The following ROS1 variants were observed in gnomAD, a reference collection of about 807,000 sequenced individuals.
The protein encoded by ROS1 is proto-oncogene tyrosine-protein kinase ROS.
ROS1 carries 263 observed loss-of-function variants against 273.5 expected under a neutral mutation model. The ratio of observed to expected loss-of-function variants is 0.96; its 90% CI spans 0.87 to 1.06. ROS1 has a LOEUF of 1.06. Ranked by LOEUF, ROS1 falls within the 50% of genes least tolerant of loss-of-function variation. The probability of loss-of-function intolerance (pLI) is 0.00; values close to 1 mark genes in which losing one functional copy is unlikely to be tolerated. For missense variants in ROS1, 2,833 were observed against 2,751.1 expected (o/e 1.03, Z -0.67); for synonymous variants, 1,008 against 954.1 (o/e 1.06, Z -1.04).
Position 117,341,142 on chromosome 6 carries a change from A to G in ROS1, c.5054T>C (p.Leu1685Pro). The G allele has an allele frequency of 6.2e-7, 1 of 1,603,798 alleles. No homozygotes were observed. Among genetic ancestry groups the G allele is most frequent in the Non-Finnish European group, 8.5e-7 (1 of 1,175,938 alleles). Residue 1685 changes from leucine (L) to proline (P), a missense_variant, in exon 31 of 44, where the codon CTA (leucine) becomes CCA (proline). Physicochemically the swap from Leu to Pro is moderately conservative, Grantham distance 98. Transcript: ENST00000368507. The part of the protein sequence containing the change: ...NVNLIRFWVE[L>P]QKWKYNEFYH... ...CTTGCATTAAAAGTCTACCTTCTGT[A>G]GCTCAACCCAAAATCTGATGAGGTT...
chr6:117,320,057 C>A, intron 36 of ROS1, 27 bp from the exon 37 acceptor site: 1 of 1,607,658 alleles, frequency 6.2e-7, no homozygotes, highest in Non-Finnish European at 8.5e-7. Flanking sequence ...TTTTTGTCTC[C>A]CCACCCTCCA....
intron 27 of ROS1, among the ~76,000 whole-genome samples, chr6:117,346,313 C>A (rs1450785467): frequency 1.3e-5 from 2 of 151,496 alleles, no homozygotes; most frequent in African/African-American, 4.9e-5. Context: ...AAAAAAGGAC[C>A]AAGATAACTT....
intron 39 of ROS1, among the ~76,000 whole-genome samples, chr6:117,311,799 A>C (rs1433020233): frequency 2.0e-5 from 3 of 152,148 alleles, no homozygotes; most frequent in African/African-American, 7.2e-5. Flanking sequence ...CATGAAAAGA[A>C]GCCAGTTGAA....
In ROS1 at chr6:117,352,167, G is replaced by A. The variant is rs187329571; in HGVS notation, c.4303+823C>T. Among the ~76,000 whole-genome samples, 545 of 152,258 alleles carry A rather than the reference G, an allele frequency of 3.6e-3. 1 individual carries two copies. The highest frequency in any genetic ancestry group is 6.8e-3 in the Middle Eastern group (2 of 294). On this transcript the variant is annotated intron_variant, in intron 27 of 43. Transcript: ENST00000368507. ...GCAATCTGGGCTCACTGCAAGCTCC[G>A]CCTCCCAGGTTCAATCCATTCTCCT...
intron 42 of ROS1, among the ~76,000 whole-genome samples, chr6:117,304,956 T>C (rs1342611088): frequency 6.6e-6 from 1 of 152,112 alleles, no homozygotes; most frequent in East Asian, 1.9e-4. Context: ...GGAAAGACTG[T>C]GCCTGCTTCC....
chr6:117,348,560 A>T (rs558313951), intron 27 of ROS1, among the ~76,000 whole-genome samples: 54 of 151,338 alleles, frequency 3.6e-4, no homozygotes, highest in African/African-American at 1.2e-3. Flanking sequence ...TTCTCTATTG[A>T]TTTCCTGTTT....
intron 5 of ROS1, among the ~76,000 whole-genome samples, chr6:117,407,009 G>C (rs1222086161): frequency 7.4e-5 from 9 of 121,674 alleles, no homozygotes; most frequent in Non-Finnish European, 1.5e-4. Context: ...GAGCACATCA[G>C]TGCACAGCTT....
At chr6:117,309,927 G>T (rs954316416) in intron 41 of ROS1, among the ~76,000 whole-genome samples, 154 bp downstream of exon 41, 1 of 152,004 alleles carries the variant, frequency 6.6e-6, no homozygotes, top group African/African-American at 2.4e-5. Context: ...GTACCACCTT[G>T]ACCACCAACT....
At chr6:117,288,827 T>C in intron 43 of ROS1, 25 bp from the exon 44 acceptor site, 3 of 1,534,698 alleles carry the variant, frequency 2.0e-6, no homozygotes, top group South Asian at 1.2e-5. Context: ...TGAATGTTAT[T>C]CTAGCATGTA....
chr6:117,325,156 A>C (rs533165570), intron 34 of ROS1, among the ~76,000 whole-genome samples: 2 of 152,292 alleles, frequency 1.3e-5, no homozygotes, highest in East Asian at 1.9e-4. Flanking sequence ...TAATATAAAC[A>C]AGAATCATGT....
chr6:117,407,163 G>T (rs1462644123), intron 5 of ROS1, among the ~76,000 whole-genome samples: 2 of 152,166 alleles, frequency 1.3e-5, no homozygotes, highest in African/African-American at 4.8e-5. Context: ...AGAACAGCAA[G>T]ATAAGTTTCC....
chr6:117,300,238 A>G (rs906717666), intron 43 of ROS1, among the ~76,000 whole-genome samples: 4 of 151,550 alleles, frequency 2.6e-5, no homozygotes, highest in Admixed American at 6.6e-5. Context: ...GGCGTGAGCC[A>G]CCGCACCCGG....
At chr6:117,422,448 C>T (rs1775826949) in intron 1 of ROS1, among the ~76,000 whole-genome samples, 1 of 152,090 alleles carries the variant, frequency 6.6e-6, no homozygotes, top group African/African-American at 2.4e-5. Flanking sequence ...TCTTTATGTA[C>T]ATGGTTTTAT....
Position 117,344,182 on chromosome 6 carries a change from A to G in ROS1, c.4384T>C (p.Leu1462=). ...NATNTSLTIR[L]PLAKTNLTWY... ...GTGAGGTTTGTCTTGGCCAGAGGTA[A>G]TCTGATTGTGAGGCTAGTGTTAGTG... The change falls in exon 28 of 44, where the codon TTA becomes CTA. Residue 1462 remains leucine (L), a synonymous_variant. Coordinates refer to ENST00000368507, the MANE Select transcript of ROS1 (RefSeq NM_001378902.1). 2 of 1,614,030 alleles carry G rather than the reference A, an allele frequency of 1.2e-6. No homozygotes were observed. The highest frequency in any genetic ancestry group is 1.7e-6 in the Non-Finnish European group (2 of 1,179,960).
chr6:117,360,197 T>C (rs2128649599), intron 23 of ROS1, 145 bp downstream of exon 23: 5 of 771,232 alleles, frequency 6.5e-6, no homozygotes, highest in Non-Finnish European at 1.0e-5. Context: ...TTTGGTGGTG[T>C]GTTGGGGTCA....
At chr6:117,338,025 T>C (rs1311299029) in intron 31 of ROS1, among the ~76,000 whole-genome samples, 3 of 152,118 alleles carry the variant, frequency 2.0e-5, no homozygotes, top group Non-Finnish European at 4.4e-5. Context: ...ATCTGAAATT[T>C]CTTGCTCTGT....
intron 27 of ROS1, among the ~76,000 whole-genome samples, chr6:117,348,352 T>G (rs959195152): frequency 1.3e-5 from 2 of 151,960 alleles, no homozygotes; most frequent in African/African-American, 4.8e-5. Context: ...TTCATCTAGG[T>G]TATTAAATTT....
intron 13 of ROS1, among the ~76,000 whole-genome samples, chr6:117,388,484 T>C (rs992207635): frequency 5.3e-5 from 8 of 152,180 alleles, no homozygotes; most frequent in African/African-American, 1.9e-4. Flanking sequence ...CAGCCAATGT[T>C]TTCTAAATAC....
chr6:117,380,820 G>A (rs1321868496), intron 17 of ROS1, among the ~76,000 whole-genome samples: 1 of 152,056 alleles, frequency 6.6e-6, no homozygotes, highest in Non-Finnish European at 1.5e-5. Context: ...TGTACCATAT[G>A]CTGTGAGTTG....
Sources: gnomAD v4.1 joint callset for allele counts (sites outside exome capture counted in the v4.1 genomes callset) on GRCh38, gnomAD v4.1.1 for gene constraint, MANE v1.5 for transcripts, NCBI Gene and HGNC (gene_info 2026-07-23, HGNC 2026-07-21) for gene names.